The following NCAM1 variants were observed in gnomAD, a reference collection of about 807,000 sequenced individuals.
NCAM1 encodes the protein neural cell adhesion molecule 1.
NCAM1 carries 14 observed loss-of-function variants against 109.8 expected under a neutral mutation model. That is an observed-to-expected ratio of 0.13 (90% CI 0.08 to 0.20). The LOEUF (loss-of-function observed/expected upper bound fraction) is 0.20. NCAM1 is among the 10% of genes least tolerant of loss of function. The probability of loss-of-function intolerance (pLI) is 1.00; values close to 1 mark genes in which losing one functional copy is unlikely to be tolerated. For synonymous variants in NCAM1, 418 were observed against 442.9 expected (o/e 0.94, Z 0.70); for missense variants, 774 against 1,109.9 (o/e 0.70, Z 4.30).
chr11:113,109,246 G>T (rs1555093160), intron 1 of NCAM1, among the ~76,000 whole-genome samples: 2 of 151,188 alleles, frequency 1.3e-5, no homozygotes, highest in Admixed American at 6.6e-5. Flanking sequence ...TACTCAGGAG[G>T]CTGAGGCATG....
At position 113,208,030 on chromosome 11, in the gene NCAM1, G is replaced by T. The variant is rs376826030; in HGVS notation, c.916+28G>T. ...AGGGGCAGTGGGGGCCCAGGTCACT[G>T]CTCTGCCACAATTCCCCTTCCTCTG... On this transcript the variant is annotated intron_variant, in intron 7 of 19. Transcript: ENST00000316851. 446 of 1,586,476 alleles carry T rather than the reference G, an allele frequency of 2.8e-4. 3 individuals carry two copies. The African/African-American group carries it at 5.6e-3, about 20-fold the overall frequency.
At position 113,185,079 on chromosome 11, in the gene NCAM1, TAGAG is replaced by T. The variant is rs782462491; in HGVS notation, c.53-17268_53-17265del. ...GTGTGCATTTATATTTATATATATA[TAGAG>T]AGAGAGAGAGAGAGAGAGAGAGAGA... On this transcript the variant is annotated intron_variant, in intron 1 of 19. Transcript: ENST00000316851. Among the ~76,000 whole-genome samples, 641 of 125,722 alleles carry T rather than the reference TAGAG, an allele frequency of 5.1e-3. 17 individuals are homozygous for T. Among genetic ancestry groups the T allele is most frequent in the Non-Finnish European group, 2.7e-3 (163 of 61,058 alleles). 82.5% of individuals were successfully genotyped at this position (125,722 alleles called of 152,430 possible).
At chr11:112,994,317 C>T (rs966834762) in intron 1 of NCAM1, among the ~76,000 whole-genome samples, 2 of 152,148 alleles carry the variant, frequency 1.3e-5, no homozygotes, top group African/African-American at 4.8e-5. Context: ...ATCTTTTAGC[C>T]TCTATGATTC....
chr11:113,009,328 T>G (rs1402211087), intron 1 of NCAM1, among the ~76,000 whole-genome samples: 79 of 140,240 alleles, frequency 5.6e-4, no homozygotes, highest in African/African-American at 2.0e-3. Flanking sequence ...TTTTTTTTTT[T>G]TTTTTTTTTT....
chr11:113,183,102 G>C (rs951910896), intron 1 of NCAM1, among the ~76,000 whole-genome samples: 1 of 152,180 alleles, frequency 6.6e-6, no homozygotes, highest in Admixed American at 6.5e-5. Flanking sequence ...AGACCTTCCT[G>C]GCAAGATACA....
chr11:113,205,468 G>T, intron 3 of NCAM1, 55 bp from the exon 4 acceptor site: 1 of 1,571,362 alleles, frequency 6.4e-7, no homozygotes, highest in Admixed American at 1.8e-5. Context: ...CTAGTGAAAG[G>T]GGTTCTTTGT....
At chr11:113,099,069 A>G (rs1316196898) in intron 1 of NCAM1, among the ~76,000 whole-genome samples, 2 of 152,194 alleles carry the variant, frequency 1.3e-5, no homozygotes, top group African/African-American at 2.4e-5. Context: ...ACCTCAAAAC[A>G]ACCCTAGAAG....
intron 1 of NCAM1, among the ~76,000 whole-genome samples, chr11:113,109,922 C>T (rs956441879): frequency 9.2e-5 from 14 of 151,918 alleles, no homozygotes; most frequent in Admixed American, 2.0e-4. Context: ...ATGTATGATC[C>T]GTGAACATTT....
At chr11:113,078,242 T>TGCC (rs1938619648) in intron 1 of NCAM1, among the ~76,000 whole-genome samples, 2 of 152,182 alleles carry the variant, frequency 1.3e-5, no homozygotes, top group Non-Finnish European at 2.9e-5. Flanking sequence ...CTCCAGTCTC[T>TGCC]GCCTCTGTCT....
intron 1 of NCAM1, among the ~76,000 whole-genome samples, chr11:113,056,062 T>G (rs1953703366): frequency 7.5e-6 from 1 of 133,796 alleles, no homozygotes; most frequent in Admixed American, 7.9e-5. Context: ...CCCAATGAAA[T>G]ACTATTCATC....
intron 1 of NCAM1, among the ~76,000 whole-genome samples, chr11:113,081,151 C>T (rs947262047): frequency 2.6e-5 from 4 of 152,104 alleles, no homozygotes; most frequent in Non-Finnish European, 4.4e-5. Context: ...TGGGGATGCC[C>T]GTAAGAGGGG....
At chr11:112,984,504 T>G (rs906267890) in intron 1 of NCAM1, among the ~76,000 whole-genome samples, 1 of 151,930 alleles carries the variant, frequency 6.6e-6, no homozygotes, top group Non-Finnish European at 1.5e-5. Context: ...CAGTCTTACA[T>G]GCCCACCAAC....
chr11:113,225,025 C>A (rs1184851588), intron 9 of NCAM1, among the ~76,000 whole-genome samples: 4 of 152,208 alleles, frequency 2.6e-5, no homozygotes, highest in Non-Finnish European at 2.9e-5. Context: ...AATCAGAGAA[C>A]CTCTTCTTCT....
At chr11:113,178,793 C>T (rs1943246161) in intron 1 of NCAM1, among the ~76,000 whole-genome samples, 1 of 152,134 alleles carries the variant, frequency 6.6e-6, no homozygotes, top group Non-Finnish European at 1.5e-5. Flanking sequence ...GACTAGAGTT[C>T]AGGGAGTGAT....
chr11:113,155,345 T>C (rs975685547), intron 1 of NCAM1, among the ~76,000 whole-genome samples: 1 of 151,736 alleles, frequency 6.6e-6, no homozygotes, highest in Non-Finnish European at 1.5e-5. Context: ...CCCGTCTGTA[T>C]TAAAAATACA....
At chr11:113,165,392 T>TAGAC (rs1312169405) in intron 1 of NCAM1, among the ~76,000 whole-genome samples, 1 of 152,160 alleles carries the variant, frequency 6.6e-6, no homozygotes, top group African/African-American at 2.4e-5. Flanking sequence ...GGGCTCCGAG[T>TAGAC]AGACTCACTT....
chr11:113,270,813 G>A (rs1555125163), intron 18 of NCAM1, among the ~76,000 whole-genome samples: 2 of 152,160 alleles, frequency 1.3e-5, no homozygotes, highest in African/African-American at 4.8e-5. Context: ...GCTGCTGCAG[G>A]CAAGGCACTG....
chr11:113,147,400 C>G (rs1942056677), intron 1 of NCAM1, among the ~76,000 whole-genome samples: 2 of 152,214 alleles, frequency 1.3e-5, no homozygotes, highest in East Asian at 3.9e-4. Context: ...GGAGCAAAGG[C>G]CTTTGCAGGA....
chr11:112,969,795 A>G (rs554813083), intron 1 of NCAM1, among the ~76,000 whole-genome samples: 1 of 152,332 alleles, frequency 6.6e-6, no homozygotes, highest in South Asian at 2.1e-4. Flanking sequence ...GAAAAACAAA[A>G]TAAATTTAAG....
Sources: gnomAD v4.1 joint callset for allele counts (sites outside exome capture counted in the v4.1 genomes callset) on GRCh38, gnomAD v4.1.1 for gene constraint, MANE v1.5 for transcripts, NCBI Gene and HGNC (gene_info 2026-07-23, HGNC 2026-07-21) for gene names.